The following HSD17B12 variants were observed in gnomAD, a reference collection of about 807,000 sequenced individuals.
HSD17B12 encodes very-long-chain 3-oxoacyl-CoA reductase.
Under a neutral mutation model 39.3 loss-of-function variants are expected in HSD17B12, and 32 were observed. The observed-to-expected ratio is 0.81, with a 90% CI of 0.61 to 1.09. The LOEUF is 1.09. Ranked by LOEUF, HSD17B12 falls within the 50% of genes least tolerant of loss-of-function variation. The probability of loss-of-function intolerance (pLI) is 0.00; values close to 1 mark genes in which losing one functional copy is unlikely to be tolerated. For missense variants in HSD17B12, 342 were observed against 382.9 expected (o/e 0.89, Z 0.89); for synonymous variants, 150 against 146.7 (o/e 1.02, Z -0.16).
the HSD17B12 span, among the ~76,000 whole-genome samples, chr11:43,576,185 G>A: frequency 1.3e-5 from 2 of 152,196 alleles, no homozygotes; most frequent in Admixed American, 1.3e-4. Context: ...AGACAGATGG[G>A]AGTTAACGGG....
chr11:43,594,179 A>G, the HSD17B12 span, among the ~76,000 whole-genome samples: 1 of 152,232 alleles, frequency 6.6e-6, no homozygotes, highest in Non-Finnish European at 1.5e-5. Flanking sequence ...TAATTACTCC[A>G]TAGTTACAAA....
chr11:43,795,585 T>G (rs1472064523), intron 3 of HSD17B12, among the ~76,000 whole-genome samples: 1 of 152,022 alleles, frequency 6.6e-6, no homozygotes, highest in Non-Finnish European at 1.5e-5. Context: ...CTGGGGAAAT[T>G]TTCTCTCTAT....
At chr11:43,770,911 AT>A (rs1950642817) in intron 3 of HSD17B12, among the ~76,000 whole-genome samples, 1 of 152,200 alleles carries the variant, frequency 6.6e-6, no homozygotes, top group African/African-American at 2.4e-5. Flanking sequence ...TATTTCTTCT[AT>A]TATGGTATAT....
chr11:43,802,396 T>C (rs1182724411), intron 4 of HSD17B12, among the ~76,000 whole-genome samples: 2 of 152,200 alleles, frequency 1.3e-5, no homozygotes, highest in African/African-American at 4.8e-5. Flanking sequence ...TTGCATACTT[T>C]TTTAATACTA....
the HSD17B12 span, among the ~76,000 whole-genome samples, chr11:43,640,084 G>A: frequency 1.3e-5 from 2 of 151,908 alleles, no homozygotes; most frequent in African/African-American, 2.4e-5. Flanking sequence ...GAATATGCCC[G>A]CAAATGCTGG....
intron 3 of HSD17B12, among the ~76,000 whole-genome samples, chr11:43,775,050 G>A (rs1005319687): frequency 2.0e-5 from 3 of 152,180 alleles, no homozygotes; most frequent in African/African-American, 7.2e-5. Context: ...TGAAGCAGGA[G>A]AAATCCTCAT....
chr11:43,836,798 G>A (rs1951375603), intron 7 of HSD17B12, among the ~76,000 whole-genome samples: 1 of 152,042 alleles, frequency 6.6e-6, no homozygotes. Context: ...CAGTTTTTAT[G>A]TTCGAATTGT....
At chr11:43,660,735 T>C in the HSD17B12 span, among the ~76,000 whole-genome samples, 1 of 152,224 alleles carries the variant, frequency 6.6e-6, no homozygotes, top group Non-Finnish European at 1.5e-5. Flanking sequence ...TGAATGTTCA[T>C]AGCTGCTTTA....
the HSD17B12 span, among the ~76,000 whole-genome samples, chr11:43,596,065 G>GT: frequency 5.3e-5 from 8 of 152,240 alleles, no homozygotes; most frequent in African/African-American, 1.7e-4. Context: ...GTTTTGATTT[G>GT]TTTTTTATAG....
intron 3 of HSD17B12, among the ~76,000 whole-genome samples, chr11:43,766,808 A>G (rs1008366416): frequency 2.0e-5 from 3 of 152,220 alleles, no homozygotes; most frequent in African/African-American, 4.8e-5. Flanking sequence ...TTTGGCACAC[A>G]TGGTTTTTTA....
the HSD17B12 span, among the ~76,000 whole-genome samples, chr11:43,651,032 T>C: frequency 5.3e-5 from 8 of 152,312 alleles, no homozygotes; most frequent in Admixed American, 2.6e-4. Context: ...GGGAGAGTAA[T>C]GTGCTATGCA....
intron 3 of HSD17B12, among the ~76,000 whole-genome samples, chr11:43,760,521 A>G (rs1950547148): frequency 6.6e-6 from 1 of 152,188 alleles, no homozygotes; most frequent in Non-Finnish European, 1.5e-5. Context: ...ATCTCTTGAA[A>G]TGCAATGCTT....
chr11:43,750,029 G>C (rs1458653773), intron 1 of HSD17B12, among the ~76,000 whole-genome samples: 3 of 152,006 alleles, frequency 2.0e-5, no homozygotes, highest in Admixed American at 1.3e-4. Flanking sequence ...GGCAAATATG[G>C]TTTCTCATAG....
At chr11:43,767,811 G>A (rs1004500553) in intron 3 of HSD17B12, among the ~76,000 whole-genome samples, 2 of 152,280 alleles carry the variant, frequency 1.3e-5, no homozygotes, top group African/African-American at 2.4e-5. Context: ...AACTTTTAAT[G>A]TGCTTTCATT....
the HSD17B12 span, among the ~76,000 whole-genome samples, chr11:43,590,807 C>CTTT: frequency 4.0e-5 from 5 of 125,426 alleles, no homozygotes; most frequent in South Asian, 1.3e-3. Context: ...CCCAGCTCGA[C>CTTT]TTTTTTTTTT....
intron 1 of HSD17B12, chr11:43,734,548 C>T: frequency 1.8e-6 from 1 of 558,612 alleles, no homozygotes; most frequent in Non-Finnish European, 3.1e-6. Flanking sequence ...CAGTCCGTGC[C>T]CCTCCAGCTG....
At chr11:43,643,359 T>C in the HSD17B12 span, among the ~76,000 whole-genome samples, 1 of 152,158 alleles carries the variant, frequency 6.6e-6, no homozygotes, top group African/African-American at 2.4e-5. Context: ...TAAACTCTTA[T>C]TTTTAATTAA....
chr11:43,690,404 A>ATATTTTTTTTTTT (rs1554959942), intron 1 of HSD17B12, among the ~76,000 whole-genome samples: 2 of 24,954 alleles, frequency 8.0e-5, no homozygotes, highest in African/African-American at 1.9e-4. Context: ...ATATATATAT[A>ATATTTTTTTTTTT]TTTTTTTTTT....
chr11:43,850,479 C>G (rs555972033), intron 9 of HSD17B12, among the ~76,000 whole-genome samples: 45 of 152,232 alleles, frequency 3.0e-4, no homozygotes, highest in African/African-American at 1.1e-3. Flanking sequence ...ACACTAGACC[C>G]TAGTGTATTC....
Sources: allele counts gnomAD v4.1 joint callset (sites outside exome capture counted in the v4.1 genomes callset), GRCh38; gene constraint gnomAD v4.1.1; transcripts MANE v1.5; gene names NCBI Gene and HGNC (gene_info 2026-07-23, HGNC 2026-07-21).